Variants in RASSF3 observed in about 807,000 individuals in gnomAD.
RASSF3 encodes the protein Ras association domain family member 3.
A neutral mutation model predicts 19.9 loss-of-function variants in RASSF3; 19 were observed. The ratio of observed to expected loss-of-function variants is 0.96; its 90% confidence interval spans 0.67 to 1.40. The LOEUF (loss-of-function observed/expected upper bound fraction) is 1.40. RASSF3 is among the 40% of genes most tolerant of loss of function. The pLI is 0.00. For missense variants in RASSF3, 306 were observed against 289.8 expected (o/e 1.06, Z -0.41); for synonymous variants, 110 against 104.2 (o/e 1.06, Z -0.34).
intron 1 of RASSF3, among the ~76,000 whole-genome samples, chr12:64,674,286 C>T (rs964695763): frequency 6.6e-6 from 1 of 152,156 alleles, no homozygotes; most frequent in African/African-American, 2.4e-5. Flanking sequence ...ATAAGATGTA[C>T]AAAAGAGGGT....
intron 2 of RASSF3, among the ~76,000 whole-genome samples, chr12:64,564,364 C>T (rs1172122233): frequency 1.3e-5 from 2 of 151,254 alleles, no homozygotes; most frequent in African/African-American, 4.8e-5. Context: ...AAGGCCTCCT[C>T]TCCCTAACAC....
chr12:64,557,947 T>C (rs1377460537), intron 2 of RASSF3, among the ~76,000 whole-genome samples: 3 of 152,098 alleles, frequency 2.0e-5, no homozygotes, highest in African/African-American at 7.2e-5. Context: ...GGATCAGGCA[T>C]TGTATAAGAC....
intron 1 of RASSF3, among the ~76,000 whole-genome samples, chr12:64,620,770 G>C (rs1394336773): frequency 6.6e-6 from 1 of 151,990 alleles, no homozygotes; most frequent in Non-Finnish European, 1.5e-5. Context: ...CTAATTATGA[G>C]GGTGTGACTT....
At chr12:64,610,798 G>T in intron 1 of RASSF3, 55 bp downstream of exon 1, 1 of 1,145,166 alleles carries the variant, frequency 8.7e-7, no homozygotes, top group Non-Finnish European at 1.2e-6. Flanking sequence ...CGGGGAACCC[G>T]CCAGCCCGCG....
intron 1 of RASSF3, among the ~76,000 whole-genome samples, chr12:64,620,052 A>G (rs1398081926): frequency 1.1e-5 from 1 of 91,320 alleles, no homozygotes; most frequent in Non-Finnish European, 2.5e-5. Flanking sequence ...TTCTGAATTC[A>G]TTTTTCAAGT....
At chr12:64,658,431 A>G (rs559157322) in intron 1 of RASSF3, among the ~76,000 whole-genome samples, 1 of 152,356 alleles carries the variant, frequency 6.6e-6, no homozygotes, top group African/African-American at 2.4e-5. Flanking sequence ...GAGGAGACTC[A>G]AATACAAACA....
At chr12:64,586,351 A>G (rs1275438088) in intron 2 of RASSF3, among the ~76,000 whole-genome samples, 1 of 151,602 alleles carries the variant, frequency 6.6e-6, no homozygotes, top group Non-Finnish European at 1.5e-5. Flanking sequence ...TTAGCTGGGC[A>G]TGGTGGTATG....
intron 1 of RASSF3, among the ~76,000 whole-genome samples, chr12:64,665,279 CAA>C (rs1014184212): frequency 1.3e-5 from 2 of 152,064 alleles, no homozygotes; most frequent in Non-Finnish European, 2.9e-5. Flanking sequence ...GCTCATGTGA[CAA>C]AGTGGATTAG....
intron 2 of RASSF3, among the ~76,000 whole-genome samples, chr12:64,580,059 C>T (rs1294287699): frequency 1.3e-5 from 2 of 152,032 alleles, no homozygotes; most frequent in African/African-American, 2.4e-5. Flanking sequence ...AAGTGATCTG[C>T]CCACCTTGGC....
chr12:64,665,555 A>T (rs1456791627), intron 1 of RASSF3, among the ~76,000 whole-genome samples: 2 of 152,184 alleles, frequency 1.3e-5, no homozygotes, highest in East Asian at 3.8e-4. Context: ...GCACCTCTCC[A>T]TAAGACACGC....
At chr12:64,585,440 G>A (rs997889001) in intron 2 of RASSF3, among the ~76,000 whole-genome samples, 1 of 152,072 alleles carries the variant, frequency 6.6e-6, no homozygotes, top group African/African-American at 2.4e-5. Flanking sequence ...TGGGCACCAG[G>A]CTAGGGAGAG....
chr12:64,611,796 A>T (rs1219716448), intron 1 of RASSF3: 1 of 152,254 alleles, frequency 6.6e-6, no homozygotes, highest in African/African-American at 2.4e-5. Context: ...GGGAGGGTGC[A>T]ATCTGTCAGG....
At chr12:64,521,091 G>T (rs1487656364) in intron 1 of RASSF3, among the ~76,000 whole-genome samples, 1 of 152,130 alleles carries the variant, frequency 6.6e-6, no homozygotes, top group Non-Finnish European at 1.5e-5. Context: ...CCCTGTTGTG[G>T]TCTGAAAGGG....
chr12:64,667,265 A>G (rs1391068792), intron 1 of RASSF3, among the ~76,000 whole-genome samples: 1 of 152,192 alleles, frequency 6.6e-6, no homozygotes, highest in Non-Finnish European at 1.5e-5. Context: ...CCTAGTTAAC[A>G]GTTTCCATTT....
intron 2 of RASSF3, among the ~76,000 whole-genome samples, chr12:64,550,524 G>T (rs1210341090): frequency 6.6e-6 from 1 of 151,312 alleles, no homozygotes; most frequent in Non-Finnish European, 1.5e-5. Context: ...AATTAGCCAG[G>T]TGTGGTGGTG....
intron 1 of RASSF3, among the ~76,000 whole-genome samples, chr12:64,508,334 G>A (rs1868304190): frequency 6.6e-6 from 1 of 151,818 alleles, no homozygotes; most frequent in Non-Finnish European, 1.5e-5. Flanking sequence ...GGCCAACATG[G>A]TGAAAACCTG....
chr12:64,688,652 C>T (rs562781203), intron 3 of RASSF3, among the ~76,000 whole-genome samples, 199 bp downstream of exon 3: 10 of 151,734 alleles, frequency 6.6e-5, no homozygotes, highest in Admixed American at 1.3e-4. Flanking sequence ...AGTTGAGGGT[C>T]TGAGGAGCTT....
intron 1 of RASSF3, among the ~76,000 whole-genome samples, chr12:64,517,277 A>T (rs951695639): frequency 4.1e-4 from 62 of 149,954 alleles, no homozygotes; most frequent in African/African-American, 1.4e-3. Context: ...TTCTTAATGA[A>T]AGGATTCAAT....
intron 1 of RASSF3, among the ~76,000 whole-genome samples, chr12:64,518,742 T>A (rs1868411025): frequency 6.6e-6 from 1 of 152,212 alleles, no homozygotes. Flanking sequence ...TACAAAAAAA[T>A]GTTTAACTTT....
Sources: allele counts gnomAD v4.1 joint callset (sites outside exome capture counted in the v4.1 genomes callset), GRCh38; gene constraint gnomAD v4.1.1; transcripts MANE v1.5; gene names NCBI Gene and HGNC (gene_info 2026-07-23, HGNC 2026-07-21).